ARHGEF26: variants seen among roughly 807,000 people sequenced by gnomAD.
ARHGEF26 encodes Rho guanine nucleotide exchange factor (GEF) 26.
ARHGEF26 carries 59 observed loss-of-function variants against 89.4 expected under a neutral mutation model. The ratio of observed to expected loss-of-function variants is 0.66; its 90% CI spans 0.54 to 0.82. ARHGEF26 has a LOEUF of 0.82. Ranked by LOEUF, ARHGEF26 falls within the 40% of genes least tolerant of loss-of-function variation. The pLI is 0.00. For synonymous variants in ARHGEF26, 500 were observed against 428.4 expected (o/e 1.17, Z -2.06); for missense variants, 1,234 against 1,085.6 (o/e 1.14, Z -1.92).
At chr3:154,143,973 G>A (rs1328407126) in intron 4 of ARHGEF26, among the ~76,000 whole-genome samples, 1 of 152,186 alleles carries the variant, frequency 6.6e-6, no homozygotes, top group East Asian at 1.9e-4. Context: ...AGCGGGAAAT[G>A]CAGGTTAGAG....
intron 12 of ARHGEF26, among the ~76,000 whole-genome samples, 155 bp from the exon 13 acceptor site, chr3:154,252,961 C>G (rs1187405749): frequency 6.6e-6 from 1 of 152,152 alleles, no homozygotes; most frequent in Non-Finnish European, 1.5e-5. Context: ...GACTTTCCAG[C>G]TTATCACTTT....
At chr3:154,183,889 A>T (rs563412300) in intron 6 of ARHGEF26, among the ~76,000 whole-genome samples, 1 of 152,200 alleles carries the variant, frequency 6.6e-6, no homozygotes, top group Non-Finnish European at 1.5e-5. Flanking sequence ...TGTAAGCTAA[A>T]GACAAATTGT....
Position 154,240,567 on chromosome 3 carries a change from G to C in ARHGEF26, c.2288G>C (p.Gly763Ala). Residue 763 changes from glycine to alanine, a missense_variant, in exon 12 of 15, where the codon GGA becomes GCA. Transcript: ENST00000465093. Reference sequence around the variant, plus strand: ...AATGAGAAAGTGGAGATGCTACTAGGAGCTGAGACGCAGTAAGTATATGTG... The same window carrying C: ...AATGAGAAAGTGGAGATGCTACTAGCAGCTGAGACGCAGTAAGTATATGTG... ...HANEKVEMLL[G>A]AETQSERARW... 6.2e-7 allele frequency: 1 copy of C among 1,609,396 alleles called. No individual in the cohort carries two copies. Among genetic ancestry groups the C allele is most frequent in the Non-Finnish European group, 8.5e-7 (1 of 1,177,688 alleles).
chr3:154,162,224 C>A (rs2108119743), intron 6 of ARHGEF26, among the ~76,000 whole-genome samples: 1 of 152,252 alleles, frequency 6.6e-6, no homozygotes, highest in Non-Finnish European at 1.5e-5. Context: ...CAAGCAGGAC[C>A]ACACAGTTTT....
chr3:154,122,854 C>T lies in ARHGEF26; in HGVS notation c.862C>T (p.Pro288Ser), dbSNP rs1374576887. 1.2e-6 allele frequency: 2 copies of T among 1,612,942 alleles called. No homozygotes were observed. The highest frequency in any genetic ancestry group is 2.2e-5 in the South Asian group (2 of 90,750). Residue 288 changes from proline to serine, a missense_variant, in exon 2 of 15, where the codon CCC becomes TCC. Coordinates refer to ENST00000465093, the MANE Select transcript of ARHGEF26 (RefSeq NM_015595.4). ...CAGCATGGTGGAGGGCCTAGGAGGA[C>T]CCCTGGGTCACGCAGGGGAGGAGAG... is the stretch of plus-strand genomic sequence containing the variant. ...VRSMVEGLGG[P>S]LGHAGEESEV...
Position 154,161,929 on chromosome 3 carries a change from C to T in ARHGEF26, c.1487+8997C>T, listed in dbSNP as rs370116009. ...CATTCTCCTGGTCACTTTTTGCAGG[C>T]ATTTGGACCCATTATGTTCTTTTTG... is the stretch of plus-strand genomic sequence containing the variant. On this transcript the variant is annotated intron_variant, in intron 6 of 14. Transcript: ENST00000465093. Among the ~76,000 whole-genome samples the T allele has an allele frequency of 1.2e-4, 19 of 152,256 alleles. No individual in the cohort carries two copies. The East Asian group carries it at 2.3e-3, about 19-fold the overall frequency.
chr3:154,121,589 C>T, intron 1 of ARHGEF26, 70 bp downstream of exon 1: 1 of 187,904 alleles, frequency 5.3e-6, no homozygotes. Flanking sequence ...GGCTGGATGG[C>T]GACAGAAGGG....
chr3:154,164,382 TA>T (rs1711864940), intron 6 of ARHGEF26, among the ~76,000 whole-genome samples: 1 of 152,030 alleles, frequency 6.6e-6, no homozygotes, highest in Non-Finnish European at 1.5e-5. Context: ...TTTTTAATTT[TA>T]AAAATATATT....
At position 154,256,938 on chromosome 3, in the gene ARHGEF26, G is replaced by A. The variant is rs192058426; in HGVS notation, c.*1465G>A. On this transcript the variant is annotated 3_prime_UTR_variant, in exon 15 of 15. Coordinates refer to ENST00000465093, the MANE Select transcript of ARHGEF26 (RefSeq NM_015595.4). ...TGAAGGATGGGAGATTAAGAGGGGG[G>A]AAATGATTTTTACTGGCAGCTATAT... The A allele has an allele frequency of 3.9e-4, 595 of 1,534,198 alleles. 1 individual carries two copies. The African/African-American group carries it at 7.2e-3, about 19-fold the overall frequency.
chr3:154,214,616 T>C (rs192859497), intron 9 of ARHGEF26, among the ~76,000 whole-genome samples: 51 of 152,220 alleles, frequency 3.4e-4, no homozygotes, highest in Non-Finnish European at 5.7e-4. Flanking sequence ...CTCTGGGAAA[T>C]TTAAGAAGAG....
chr3:154,252,979 CT>C, intron 12 of ARHGEF26, 136 bp from the exon 13 acceptor site: 2 of 861,594 alleles, frequency 2.3e-6, no homozygotes, highest in East Asian at 5.3e-5. Context: ...TTTTAAACTA[CT>C]CTCACCCTGT....
At chr3:154,196,887 A>G (rs1051150192) in intron 9 of ARHGEF26, among the ~76,000 whole-genome samples, 2 of 134,328 alleles carry the variant, frequency 1.5e-5, no homozygotes, top group East Asian at 2.6e-4. Flanking sequence ...TAAGAAATTG[A>G]AAAAAAAAAA....
At chr3:154,236,484 T>A (rs1717135012) in intron 11 of ARHGEF26, among the ~76,000 whole-genome samples, 1 of 152,250 alleles carries the variant, frequency 6.6e-6, no homozygotes, top group Non-Finnish European at 1.5e-5. Context: ...GTTTTTCCAT[T>A]TGCCCTTTTC....
chr3:154,257,692 A>G lies in ARHGEF26; in HGVS notation c.*2219A>G, dbSNP rs777474105. The G allele has an allele frequency of 1.3e-5, 2 of 152,130 alleles. No homozygotes were observed. Among genetic ancestry groups the G allele is most frequent in the African/African-American group, 2.4e-5 (1 of 41,434 alleles). The allele number at this position is 152,130 out of a possible 1,614,324, so 9.4% of individuals were successfully genotyped here. ...AGTTTTTTCAAACCTAGTTGTTTCT[A>G]TGGACACCTGCTCTGAATTGTACAT... On this transcript the variant is annotated 3_prime_UTR_variant, in exon 15 of 15. Transcript: ENST00000465093.
chr3:154,190,197 T>G lies in ARHGEF26; in HGVS notation c.1641-1092T>G, dbSNP rs372800694. Among the ~76,000 whole-genome samples the G allele has an allele frequency of 3.3e-5, 5 of 151,640 alleles. No individual in the cohort carries two copies. In the South Asian group the frequency reaches 8.3e-4, roughly 25 times the overall value. On this transcript the variant is annotated intron_variant, in intron 7 of 14. Transcript: ENST00000465093. ...AGAGTGAGAAATGGGGGGACAAGAG[T>G]GTCAGATTTAACATTAGAAAACTTG...
At chr3:154,217,373 G>A (rs1715830444) in intron 9 of ARHGEF26, among the ~76,000 whole-genome samples, 1 of 152,030 alleles carries the variant, frequency 6.6e-6, no homozygotes, top group Non-Finnish European at 1.5e-5. Flanking sequence ...CCCACTTTCT[G>A]ATGGGGTTGT....
chr3:154,246,166 T>G (rs1717791859), intron 12 of ARHGEF26, among the ~76,000 whole-genome samples: 1 of 152,016 alleles, frequency 6.6e-6, no homozygotes, highest in African/African-American at 2.4e-5. Context: ...CAGAAAGACC[T>G]CTCTTAAGAG....
chr3:154,153,520 TTAAGAA>T (rs1197336759), intron 6 of ARHGEF26, among the ~76,000 whole-genome samples: 1 of 152,196 alleles, frequency 6.6e-6, no homozygotes. Flanking sequence ...TATTCAGCTC[TTAAGAA>T]TAAGGTTATT....
chr3:154,150,756 A>G (rs1357005172), intron 5 of ARHGEF26, among the ~76,000 whole-genome samples: 3 of 152,050 alleles, frequency 2.0e-5, no homozygotes, highest in South Asian at 2.1e-4. Context: ...CCATTTGAAC[A>G]TTTTTGTTCT....
Sources: gnomAD v4.1 joint callset for allele counts (sites outside exome capture counted in the v4.1 genomes callset) on GRCh38, gnomAD v4.1.1 for gene constraint, MANE v1.5 for transcripts, NCBI Gene and HGNC (gene_info 2026-07-23, HGNC 2026-07-21) for gene names.